MAOA: variants seen among roughly 807,000 people sequenced by gnomAD.
The protein encoded by MAOA is monoamine oxidase A.
MAOA carries 6 observed loss-of-function variants against 42.0 expected under a neutral mutation model. That is an observed-to-expected ratio of 0.14 (90% CI 0.08 to 0.28). The LOEUF (loss-of-function observed/expected upper bound fraction) is 0.28, where lower values mean the gene tolerates loss of function less well. Ranked by LOEUF, MAOA falls within the 10% of genes least tolerant of loss-of-function variation. MAOA has a pLI of 1.00. For missense variants in MAOA, 262 were observed against 422.3 expected (o/e 0.62, Z 3.33); for synonymous variants, 140 against 154.0 (o/e 0.91, Z 0.67).
At chrX:43,672,305 CTT>C (rs1010418625) in intron 1 of MAOA, among the ~76,000 whole-genome samples, 10 of 111,256 alleles carry the variant, frequency 9.0e-5, no homozygotes, top group Non-Finnish European at 1.7e-4. Flanking sequence ...TATCCTGAGA[CTT>C]TGCTGAAGTT....
At chrX:43,703,525 T>G (rs775120959) in intron 3 of MAOA, among the ~76,000 whole-genome samples, 2 of 112,456 alleles carry the variant, frequency 1.8e-5, no homozygotes, top group East Asian at 5.6e-4. Flanking sequence ...GTGTAACATT[T>G]GGAAAATAAA....
intron 1 of MAOA, among the ~76,000 whole-genome samples, chrX:43,671,373 T>C (rs1318844627): frequency 8.9e-6 from 1 of 112,240 alleles, no homozygotes; most frequent in African/African-American, 3.2e-5. Context: ...TTGCAAAAAT[T>C]TTCTCCCATT....
At chrX:43,740,650 ATTT>A (rs397896400) in intron 10 of MAOA, 28 bp from the exon 11 acceptor site, 333 of 996,181 alleles carry the variant, frequency 3.3e-4, no homozygotes, top group Admixed American at 7.5e-4. Context: ...CCCTAACTTT[ATTT>A]TTTTTTTTTT....
At chrX:43,657,208 A>G (rs774395571) in intron 1 of MAOA, among the ~76,000 whole-genome samples, 52 of 91,314 alleles carry the variant, frequency 5.7e-4, no homozygotes, top group Non-Finnish European at 9.4e-4. Context: ...GTGTTTATAT[A>G]TATATATGAA....
intron 1 of MAOA, among the ~76,000 whole-genome samples, chrX:43,656,911 G>A (rs2033184889): frequency 9.1e-6 from 1 of 109,639 alleles, no homozygotes; most frequent in African/African-American, 3.3e-5. Flanking sequence ...GCCCTAAACA[G>A]AACATCAGGA....
In MAOA at chrX:43,731,354, C is replaced by T. The variant is rs746172576; in HGVS notation, c.759C>T (p.Asn253=). The T allele has an allele frequency of 8.3e-7, 1 of 1,210,744 alleles. No individual in the cohort carries two copies. The highest frequency in any genetic ancestry group is 1.8e-5 in the South Asian group (1 of 56,960). ...CTCACGTTGACCAGTCAAGTGACAA[C>T]ATCATCATAGAGACGCTGAACCATG... The part of the protein sequence containing the change: ...PVTHVDQSSD[N]IIIETLNHEH... Residue 253 remains asparagine (N), a synonymous_variant, in exon 7 of 15, where the codon AAC becomes AAT. Coordinates refer to ENST00000338702, the MANE Select transcript of MAOA (RefSeq NM_000240.4).
intron 5 of MAOA, among the ~76,000 whole-genome samples, chrX:43,714,016 C>T (rs891069140): frequency 9.1e-6 from 1 of 110,227 alleles, no homozygotes; most frequent in African/African-American, 3.3e-5. Context: ...TGGTAGAAAT[C>T]GTACCTTCCA....
chrX:43,728,068 C>T (rs2033853466), intron 5 of MAOA, 105 bp from the exon 6 acceptor site: 1 of 818,869 alleles, frequency 1.2e-6, no homozygotes, highest in Non-Finnish European at 1.8e-6. Context: ...TTTTCAATTG[C>T]AACAGAAAAA....
Position 43,744,138 on chromosome X carries a change from G to A in MAOA, c.1404G>A (p.Glu468=). The change falls in exon 14 of 15, where the codon GAG becomes GAA. Residue 468 remains glutamate, a synonymous_variant. Coordinates refer to ENST00000338702, the MANE Select transcript of MAOA (RefSeq NM_000240.4). ...TAAATGGTCTCGGGAAGGTGACCGA[G>A]AAAGATATCTGGGTACAAGAACCTG... ...EVLNGLGKVT[E]KDIWVQEPES... 2.5e-6 allele frequency: 3 copies of A among 1,209,844 alleles called. No homozygotes were observed. The East Asian group carries it at 8.9e-5, about 36-fold the overall frequency.
At chrX:43,704,025 C>T (rs1006174886) in intron 3 of MAOA, among the ~76,000 whole-genome samples, 1 of 111,336 alleles carries the variant, frequency 9.0e-6, no homozygotes, top group African/African-American at 3.3e-5. Context: ...CAGAAACAAA[C>T]CCAGACACAA....
intron 3 of MAOA, among the ~76,000 whole-genome samples, chrX:43,695,438 A>G (rs1016146968): frequency 3.6e-5 from 4 of 111,942 alleles, no homozygotes; most frequent in Non-Finnish European, 7.5e-5. Context: ...CCAGTCTAAA[A>G]CTTGATATTG....
chrX:43,666,806 C>T (rs1031999867), intron 1 of MAOA, among the ~76,000 whole-genome samples: 39 of 110,720 alleles, frequency 3.5e-4, no homozygotes, highest in African/African-American at 1.3e-3. Flanking sequence ...CACTAATTTC[C>T]TTTTGGCTGT....
chrX:43,744,096 G>C lies in MAOA; in HGVS notation c.1375-13G>C. On this transcript the variant is annotated splice_polypyrimidine_tract_variant and intron_variant, in intron 13 of 14. Transcript: ENST00000338702. ...CAGCCTCTTTTCATAATACCATGGTGACTTTCTTTCAGGTCTTAAATGGTC... is the reference window on the plus strand; with the variant it reads ...CAGCCTCTTTTCATAATACCATGGTCACTTTCTTTCAGGTCTTAAATGGTC... 1.7e-6 allele frequency: 2 copies of C among 1,207,682 alleles called. No homozygotes were observed. Among genetic ancestry groups the C allele is most frequent in the Admixed American group, 4.4e-5 (2 of 45,947 alleles).
At chrX:43,715,489 G>A (rs899342721) in intron 5 of MAOA, among the ~76,000 whole-genome samples, 1 of 110,355 alleles carries the variant, frequency 9.1e-6, no homozygotes, top group South Asian at 3.9e-4. Context: ...ATTGGGCCGC[G>A]GATAACTTCC....
At chrX:43,718,843 T>C (rs1380485537) in intron 5 of MAOA, among the ~76,000 whole-genome samples, 1 of 110,234 alleles carries the variant, frequency 9.1e-6, no homozygotes, top group Non-Finnish European at 1.9e-5. Context: ...GGCATGGTTT[T>C]TCCTGTAGTG....
In MAOA at chrX:43,657,842, A is replaced by G. The variant is rs1015024700; in HGVS notation, c.73+1428A>G. 2.6e-5 allele frequency: 18 copies of G among 695,063 alleles called. No homozygotes were observed. In the East Asian group the frequency reaches 9.5e-4, roughly 37 times the overall value. The allele number at this position is 695,063 out of a possible 1,213,427, so 57.3% of individuals were successfully genotyped here. ...GTAGAGATAGCTTTATCTGAACCCAACATTGTTTATCCTGAACAGGCCAAG... is the reference window on the plus strand; with the variant it reads ...GTAGAGATAGCTTTATCTGAACCCAGCATTGTTTATCCTGAACAGGCCAAG... On this transcript the variant is annotated intron_variant, in intron 1 of 14. Transcript: ENST00000338702.
intron 1 of MAOA, among the ~76,000 whole-genome samples, chrX:43,682,554 T>A (rs2033452929): frequency 8.9e-6 from 1 of 111,838 alleles, no homozygotes; most frequent in South Asian, 3.7e-4. Flanking sequence ...TATTGATATA[T>A]TAATAAGTAA....
At chrX:43,667,397 G>T (rs769964646) in intron 1 of MAOA, among the ~76,000 whole-genome samples, 3 of 111,347 alleles carry the variant, frequency 2.7e-5, no homozygotes, top group Non-Finnish European at 5.7e-5. Context: ...CTAGGATGAT[G>T]CCCGGGACTC....
At chrX:43,705,274 A>G (rs750209666) in intron 3 of MAOA, among the ~76,000 whole-genome samples, 2 of 112,715 alleles carry the variant, frequency 1.8e-5, no homozygotes, top group South Asian at 7.3e-4. Flanking sequence ...GGATAAACAT[A>G]TAGGTAAATG....
Sources: allele counts gnomAD v4.1 joint callset (sites outside exome capture counted in the v4.1 genomes callset), GRCh38; gene constraint gnomAD v4.1.1; transcripts MANE v1.5; gene names NCBI Gene and HGNC (gene_info 2026-07-23, HGNC 2026-07-21).